TTBK2: variants seen among roughly 807,000 people sequenced by gnomAD.
TTBK2 encodes tau tubulin kinase 2.
TTBK2 carries 28 observed loss-of-function variants against 110.8 expected under a neutral mutation model. That is an observed-to-expected ratio of 0.25 (90% CI 0.19 to 0.35). The LOEUF (loss-of-function observed/expected upper bound fraction) is 0.35. Ranked by LOEUF, TTBK2 falls within the 10% of genes least tolerant of loss-of-function variation. TTBK2 has a pLI of 1.00. For missense variants in TTBK2, 1,369 were observed against 1,500.3 expected (o/e 0.91, Z 1.45); for synonymous variants, 532 against 527.3 (o/e 1.01, Z -0.12).
At chr15:42,755,445 G>T (rs2061933059) in intron 13 of TTBK2, among the ~76,000 whole-genome samples, 1 of 152,152 alleles carries the variant, frequency 6.6e-6, no homozygotes, top group Admixed American at 6.6e-5. Context: ...AATACTATTA[G>T]TTGGACATGG....
chr15:42,888,292 T>C (rs1430080200), intron 1 of TTBK2, among the ~76,000 whole-genome samples: 6 of 152,082 alleles, frequency 3.9e-5, no homozygotes, highest in Non-Finnish European at 7.4e-5. Flanking sequence ...TCGTTGAGTC[T>C]CCCACAATTA....
Position 42,870,982 on chromosome 15 carries a change from T to C in TTBK2, c.217+1629A>G, listed in dbSNP as rs566731069. Among the ~76,000 whole-genome samples, 9 of 152,244 alleles carry C rather than the reference T, an allele frequency of 5.9e-5. 2 individuals are homozygous for C. Among genetic ancestry groups the C allele is most frequent in the African/African-American group, 1.4e-4 (6 of 41,534 alleles). On this transcript the variant is annotated intron_variant, in intron 3 of 14. Coordinates refer to ENST00000267890, the MANE Select transcript of TTBK2 (RefSeq NM_173500.4). ...CTTTTCCTTACATTCAGCCTTTTCA[T>C]TGGGATCATTCAGTAAGAAGTCATT...
chr15:42,860,726 G>A (rs1428490466), intron 3 of TTBK2, among the ~76,000 whole-genome samples: 2 of 148,840 alleles, frequency 1.3e-5, no homozygotes, highest in East Asian at 3.9e-4. Context: ...GAGTGTAATG[G>A]CGGATCTCAG....
chr15:42,781,928 T>C (rs757540616), intron 11 of TTBK2, among the ~76,000 whole-genome samples: 44 of 152,304 alleles, frequency 2.9e-4, no homozygotes, highest in South Asian at 4.1e-4. Flanking sequence ...TATATTACTA[T>C]GCTTTGACAT....
chr15:42,893,081 T>C (rs916906152), intron 1 of TTBK2, among the ~76,000 whole-genome samples: 3 of 149,966 alleles, frequency 2.0e-5, no homozygotes, highest in Non-Finnish European at 3.0e-5. Flanking sequence ...AAATAAGCCA[T>C]GGTTAAAGAC....
chr15:42,914,185 C>T (rs1211547573), intron 1 of TTBK2, among the ~76,000 whole-genome samples: 3 of 151,938 alleles, frequency 2.0e-5, no homozygotes, highest in Non-Finnish European at 4.4e-5. Flanking sequence ...ACCATATTGG[C>T]CAGGCTAGTC....
At chr15:42,772,623 C>A (rs1263493425) in intron 13 of TTBK2, among the ~76,000 whole-genome samples, 1 of 152,150 alleles carries the variant, frequency 6.6e-6, no homozygotes, top group Non-Finnish European at 1.5e-5. Flanking sequence ...TGCCCAGCCA[C>A]ATTTACACTG....
Position 42,775,427 on chromosome 15 carries a change from G to C in TTBK2, c.1706C>G (p.Ala569Gly). 1 of 1,614,172 alleles carries C rather than the reference G, an allele frequency of 6.2e-7. No homozygotes were observed. The highest frequency in any genetic ancestry group is 8.5e-7 in the Non-Finnish European group (1 of 1,180,034). Residue 569 changes from alanine (A) to glycine (G), a missense_variant, in exon 13 of 15, where the codon GCT becomes GGT. By Grantham distance (60) the Ala-to-Gly change is moderately conservative. This residue lies in a region of TTBK2 where 1,097 missense variants were observed against 1,114.7 expected (regional missense o/e 0.98). Coordinates refer to ENST00000267890, the MANE Select transcript of TTBK2 (RefSeq NM_173500.4). Reference protein sequence around the residue: ...QDLQDFRTNEAVGHKTTGSPS... With the variant: ...QDLQDFRTNEGVGHKTTGSPS... ...ACTTCCAGTTGTTTTATGTCCTACA[G>C]CCTCATTTGTCCTAAAATCCTGAAG...
chr15:42,820,927 G>C (rs1188602648), intron 6 of TTBK2, among the ~76,000 whole-genome samples: 1 of 152,098 alleles, frequency 6.6e-6, no homozygotes, highest in Admixed American at 6.6e-5. Context: ...TGAGATGGGA[G>C]AATCCCCCAG....
chr15:42,902,859 C>T (rs1180013221), intron 1 of TTBK2, among the ~76,000 whole-genome samples: 1 of 151,864 alleles, frequency 6.6e-6, no homozygotes, highest in African/African-American at 2.4e-5. Context: ...GGCATGGTGC[C>T]ATGCACCTGT....
At chr15:42,888,883 T>C (rs1421822394) in intron 1 of TTBK2, among the ~76,000 whole-genome samples, 1 of 152,196 alleles carries the variant, frequency 6.6e-6, no homozygotes, top group Non-Finnish European at 1.5e-5. Context: ...CTGTCCCTCA[T>C]GGCCAGTTTT....
rs1367032668 is a variant in TTBK2, at chr15:42,739,242, C to G, written c.*6553G>C. 6.6e-6 allele frequency: 1 copy of G among 152,150 alleles called. No homozygotes were observed. The highest frequency in any genetic ancestry group is 1.5e-5 in the Non-Finnish European group (1 of 68,018). The allele number at this position is 152,150 out of a possible 1,614,324, so 9.4% of individuals were successfully genotyped here. ...CAATAAAACGCCTCTGGAGGTATTTCAAAGAGTAGTTTCTCATCTCTCTGA... is the reference window on the plus strand; with the variant it reads ...CAATAAAACGCCTCTGGAGGTATTTGAAAGAGTAGTTTCTCATCTCTCTGA... On this transcript the variant is annotated 3_prime_UTR_variant, in exon 15 of 15. Coordinates refer to ENST00000267890, the MANE Select transcript of TTBK2 (RefSeq NM_173500.4).
intron 9 of TTBK2, among the ~76,000 whole-genome samples, chr15:42,807,305 T>A (rs1891508959): frequency 6.6e-6 from 1 of 152,128 alleles, no homozygotes; most frequent in African/African-American, 2.4e-5. Flanking sequence ...ACGGTGTGTA[T>A]ATTTATGGAT....
chr15:42,817,858 T>C (rs1440595326), intron 6 of TTBK2, among the ~76,000 whole-genome samples: 1 of 152,166 alleles, frequency 6.6e-6, no homozygotes, highest in African/African-American at 2.4e-5. Flanking sequence ...GCTCCCTGAA[T>C]CCCTCCAATG....
chr15:42,898,979 G>C (rs919607984), intron 1 of TTBK2, among the ~76,000 whole-genome samples: 4 of 152,046 alleles, frequency 2.6e-5, no homozygotes, highest in African/African-American at 9.7e-5. Context: ...ATTTTAAAAA[G>C]CAATTTGTAG....
intron 4 of TTBK2, among the ~76,000 whole-genome samples, chr15:42,839,906 CAAGA>C (rs1202165552): frequency 6.6e-5 from 10 of 152,138 alleles, no homozygotes; most frequent in African/African-American, 2.4e-4. Flanking sequence ...AAGTCCCTTG[CAAGA>C]TATGGGTCCC....
At chr15:42,769,479 A>ATT (rs201878986) in intron 13 of TTBK2, among the ~76,000 whole-genome samples, 40,101 of 151,658 alleles carry the variant, frequency 0.26, 5,955 homozygotes, top group African/African-American at 0.4. Flanking sequence ...AAAAGAAGAC[A>ATT]TTTATGCAGC....
intron 3 of TTBK2, among the ~76,000 whole-genome samples, chr15:42,860,794 T>C (rs1171132748): frequency 1.3e-5 from 2 of 151,796 alleles, no homozygotes; most frequent in Admixed American, 1.3e-4. Context: ...GCCTCCCAAG[T>C]GCACCACCAT....
intron 3 of TTBK2, among the ~76,000 whole-genome samples, chr15:42,846,871 G>C (rs1376357749): frequency 1.3e-5 from 2 of 152,182 alleles, no homozygotes; most frequent in Admixed American, 6.5e-5. Context: ...ACAATGAGAT[G>C]TGTGAGCTTC....
Sources: gnomAD v4.1 joint callset for allele counts (sites outside exome capture counted in the v4.1 genomes callset) on GRCh38, gnomAD v4.1.1 for gene constraint, gnomAD v4.1.1 regional missense constraint, MANE v1.5 for transcripts, NCBI Gene and HGNC (gene_info 2026-07-23, HGNC 2026-07-21) for gene names.